Variants in SGCZ observed in about 807,000 individuals in gnomAD.
SGCZ encodes the protein sarcoglycan zeta, also known as zeta-sarcoglycan.
SGCZ carries 40 observed loss-of-function variants against 41.3 expected under a neutral mutation model. The ratio of observed to expected loss-of-function variants is 0.97; its 90% confidence interval spans 0.75 to 1.26. SGCZ has a LOEUF of 1.26. Among genes scored for constraint, SGCZ ranks in the 50% most tolerant of loss-of-function variants. The pLI is 0.00. For synonymous variants in SGCZ, 206 were observed against 137.5 expected, an observed-to-expected ratio of 1.50 and a Z score of -3.49; for missense variants, 552 against 369.8, an observed-to-expected ratio of 1.49 and a Z score of -4.04.
At chr8:15,116,810 C>G (rs1378204325) in intron 1 of SGCZ, among the ~76,000 whole-genome samples, 2 of 152,202 alleles carry the variant, frequency 1.3e-5, no homozygotes, top group African/African-American at 4.8e-5. Context: ...AGTTTCAAAA[C>G]TGCAAGTAAC....
chr8:14,433,354 A>G (rs1799999964), intron 2 of SGCZ, among the ~76,000 whole-genome samples: 2 of 152,242 alleles, frequency 1.3e-5, no homozygotes, highest in Admixed American at 1.3e-4. Context: ...ATATACGGAT[A>G]ATTAAGATAC....
At chr8:14,555,066 G>T in intron 1 of SGCZ, 140 bp from the exon 2 acceptor site, 1 of 707,418 alleles carries the variant, frequency 1.4e-6, no homozygotes, top group Non-Finnish European at 2.2e-6. Context: ...CTATTGTTGT[G>T]TAATTAAAAT....
chr8:15,184,075 C>T (rs964812446), intron 1 of SGCZ, among the ~76,000 whole-genome samples: 9 of 152,090 alleles, frequency 5.9e-5, no homozygotes, highest in African/African-American at 9.6e-5. Flanking sequence ...ATTTATTTTC[C>T]GTTTCAACAG....
At chr8:14,283,171 C>G (rs1432289492) in intron 3 of SGCZ, among the ~76,000 whole-genome samples, 3 of 143,140 alleles carry the variant, frequency 2.1e-5, no homozygotes, top group Non-Finnish European at 4.6e-5. Flanking sequence ...AACCAGCTCT[C>G]TCCTTCTCTT....
chr8:14,219,957 A>C (rs2117118276), intron 4 of SGCZ, among the ~76,000 whole-genome samples: 1 of 152,316 alleles, frequency 6.6e-6, no homozygotes, highest in Non-Finnish European at 1.5e-5. Flanking sequence ...GGAATGAACA[A>C]ACTTTATTTC....
Position 14,920,812 on chromosome 8 carries a change from A to C in SGCZ, c.39+316773T>G, listed in dbSNP as rs565140234. The stretch of plus-strand genomic sequence containing the variant: ...ACTCATTCTAAAATAGATAGTTGAG[A>C]GTTTATTCTGGGAGGTTTCATTAAG... On this transcript the variant is annotated intron_variant, in intron 1 of 7. Coordinates refer to ENST00000382080, the MANE Select transcript of SGCZ (RefSeq NM_139167.4). 6.0e-4 allele frequency among the ~76,000 whole-genome samples: 91 copies of C among 152,300 alleles called. 2 individuals are homozygous for C. The South Asian group carries it at 0.019, about 31-fold the overall frequency.
chr8:14,590,446 G>A (rs1286324968), intron 1 of SGCZ, among the ~76,000 whole-genome samples: 1 of 151,632 alleles, frequency 6.6e-6, no homozygotes, highest in South Asian at 2.1e-4. Flanking sequence ...CAGCACAGTA[G>A]TATGCACTAT....
chr8:14,412,292 A>G (rs1799381047), intron 2 of SGCZ, among the ~76,000 whole-genome samples: 1 of 152,106 alleles, frequency 6.6e-6, no homozygotes, highest in Admixed American at 6.6e-5. Flanking sequence ...GTATTTTTAT[A>G]AGGGTTACAG....
At chr8:14,611,575 CCTTTG>C (rs1290559322) in intron 1 of SGCZ, among the ~76,000 whole-genome samples, 3 of 152,044 alleles carry the variant, frequency 2.0e-5, no homozygotes, top group Admixed American at 1.3e-4. Context: ...TTTATTTTGT[CCTTTG>C]CTGGAAAACA....
intron 5 of SGCZ, among the ~76,000 whole-genome samples, chr8:14,150,435 G>C (rs11775065): frequency 0.37 from 55,488 of 151,832 alleles, 10,311 homozygotes; most frequent in Middle Eastern, 0.5. Context: ...TGCTCAACAT[G>C]GATTATGAGA....
chr8:14,283,997 A>C (rs2116925563), intron 3 of SGCZ, among the ~76,000 whole-genome samples: 1 of 152,348 alleles, frequency 6.6e-6, no homozygotes, highest in Admixed American at 6.5e-5. Context: ...AGGTGTTATT[A>C]GGCATATGTA....
intron 1 of SGCZ, among the ~76,000 whole-genome samples, chr8:14,757,795 T>A (rs1799726241): frequency 6.6e-6 from 1 of 152,220 alleles, no homozygotes; most frequent in Non-Finnish European, 1.5e-5. Context: ...GATTTTACTA[T>A]CATTTTACGT....
intron 2 of SGCZ, among the ~76,000 whole-genome samples, chr8:14,349,573 G>C (rs1028130283): frequency 6.6e-6 from 1 of 152,030 alleles, no homozygotes; most frequent in Admixed American, 6.6e-5. Flanking sequence ...TCCAACATTG[G>C]GGGTAAAAGA....
chr8:14,684,656 T>C (rs971519441), intron 1 of SGCZ, among the ~76,000 whole-genome samples: 2 of 151,878 alleles, frequency 1.3e-5, no homozygotes, highest in African/African-American at 4.8e-5. Context: ...GCATCTCAAA[T>C]CTGAGGCTGA....
At chr8:15,217,284 GC>G (rs1280827614) in intron 1 of SGCZ, among the ~76,000 whole-genome samples, 2 of 151,600 alleles carry the variant, frequency 1.3e-5, no homozygotes, top group Non-Finnish European at 2.9e-5. Flanking sequence ...GGGCGTGTTG[GC>G]GGGCGCCTGT....
At chr8:15,106,853 T>C (rs927922099) in intron 1 of SGCZ, among the ~76,000 whole-genome samples, 1 of 152,130 alleles carries the variant, frequency 6.6e-6, no homozygotes, top group Non-Finnish European at 1.5e-5. Context: ...TGACTTTGTT[T>C]TGGAGTCTGT....
rs1484517443 is a variant in SGCZ at position 14,088,248 on chromosome 8, A to G, written c.*2195T>C. 6.6e-6 allele frequency among the ~76,000 whole-genome samples: 1 copy of G among 151,836 alleles called. No individual in the cohort carries two copies. The highest frequency in any genetic ancestry group is 1.5e-5 in the Non-Finnish European group (1 of 67,826). On this transcript the variant is annotated 3_prime_UTR_variant, in exon 8 of 8. Coordinates refer to ENST00000382080, the MANE Select transcript of SGCZ (RefSeq NM_139167.4). ...CAATACTTTTGCTGTGAAGTTGAGT[A>G]AACTGAAGCCTGGAGAGATTCTCGA...
At chr8:15,053,110 T>C (rs913211645) in intron 1 of SGCZ, among the ~76,000 whole-genome samples, 9 of 152,114 alleles carry the variant, frequency 5.9e-5, no homozygotes, top group Admixed American at 2.0e-4. Context: ...TGTGAGTGTG[T>C]CTAGTTTGCA....
At chr8:15,213,581 C>G (rs1052276414) in intron 1 of SGCZ, among the ~76,000 whole-genome samples, 1 of 151,280 alleles carries the variant, frequency 6.6e-6, no homozygotes, top group Non-Finnish European at 1.5e-5. Flanking sequence ...AGAAACAAAT[C>G]CTAATTGCTT....
Sources: allele counts gnomAD v4.1 joint callset (sites outside exome capture counted in the v4.1 genomes callset), GRCh38; gene constraint gnomAD v4.1.1; transcripts MANE v1.5; gene names NCBI Gene and HGNC (gene_info 2026-07-23, HGNC 2026-07-21).